Variants in CPNE8 observed in about 807,000 individuals in gnomAD.
The protein encoded by CPNE8 is copine-8.
CPNE8 carries 45 observed loss-of-function variants against 81.5 expected under a neutral mutation model. That is an observed-to-expected ratio of 0.55 (90% CI 0.44 to 0.71). The LOEUF is 0.71. Among genes scored for constraint, CPNE8 ranks in the 30% least tolerant of loss-of-function variants. CPNE8 has a pLI of 0.00. For synonymous variants in CPNE8, 252 were observed against 226.3 expected (o/e 1.11, Z -1.02); for missense variants, 594 against 672.1 (o/e 0.88, Z 1.28).
intron 19 of CPNE8, among the ~76,000 whole-genome samples, chr12:38,655,247 C>T (rs776797582): frequency 2.5e-4 from 38 of 152,284 alleles, no homozygotes; most frequent in African/African-American, 5.8e-4. Context: ...GAGCCCTTAT[C>T]GGCTCAATAC....
At chr12:38,723,248 AG>A (rs1399642718) in intron 13 of CPNE8, among the ~76,000 whole-genome samples, 1 of 152,174 alleles carries the variant, frequency 6.6e-6, no homozygotes, top group Admixed American at 6.5e-5. Flanking sequence ...TTACCAACAC[AG>A]GATCTGTCTG....
intron 7 of CPNE8, among the ~76,000 whole-genome samples, chr12:38,768,956 CTTCT>C (rs1298522304): frequency 1.3e-5 from 2 of 152,180 alleles, no homozygotes; most frequent in African/African-American, 4.8e-5. Context: ...TTATTCATCA[CTTCT>C]TTATCTTACA....
intron 5 of CPNE8, among the ~76,000 whole-genome samples, chr12:38,830,478 T>C (rs1943267728): frequency 6.6e-6 from 1 of 152,160 alleles, no homozygotes. Flanking sequence ...CAACACCATC[T>C]GGATATGTAG....
intron 6 of CPNE8, among the ~76,000 whole-genome samples, chr12:38,812,638 G>A (rs1457233982): frequency 1.3e-5 from 2 of 152,172 alleles, no homozygotes; most frequent in African/African-American, 2.4e-5. Flanking sequence ...CTGGGGACAT[G>A]GCCAAACCAT....
intron 13 of CPNE8, among the ~76,000 whole-genome samples, chr12:38,717,086 A>G (rs1297184472): frequency 6.6e-6 from 1 of 152,090 alleles, no homozygotes; most frequent in Non-Finnish European, 1.5e-5. Flanking sequence ...AACCATGATG[A>G]GATACCACCT....
intron 1 of CPNE8, among the ~76,000 whole-genome samples, chr12:38,882,484 C>A (rs1014606035): frequency 4.1e-4 from 62 of 152,154 alleles, no homozygotes; most frequent in Non-Finnish European, 6.9e-4. Flanking sequence ...AATTTCTGTT[C>A]TTTTAAGCCA....
intron 7 of CPNE8, among the ~76,000 whole-genome samples, chr12:38,772,605 C>T (rs933948260): frequency 5.3e-5 from 8 of 151,992 alleles, no homozygotes; most frequent in African/African-American, 9.7e-5. Flanking sequence ...AAAAAACAAA[C>T]GCAAAAGGAA....
chr12:38,654,173 G>T, intron 19 of CPNE8, 103 bp from the exon 20 acceptor site: 2 of 1,353,702 alleles, frequency 1.5e-6, no homozygotes, highest in African/African-American at 1.5e-5. Flanking sequence ...GAAAATCAGG[G>T]AATCTGAGAG....
chr12:38,823,799 G>A lies in CPNE8; in HGVS notation c.407+5580C>T, dbSNP rs543607800. Among the ~76,000 whole-genome samples the A allele has an allele frequency of 1.4e-4, 21 of 152,226 alleles. No homozygotes were observed. The South Asian group carries it at 2.1e-3, about 15-fold the overall frequency. The stretch of plus-strand genomic sequence containing the variant: ...TTCTTGCATTTCGGAAGGCTTTGCC[G>A]AATCCATCACTGAGATCCCTAAAGA... On this transcript the variant is annotated intron_variant, in intron 6 of 19. Transcript: ENST00000331366.
At chr12:38,825,633 C>T (rs184430379) in intron 6 of CPNE8, among the ~76,000 whole-genome samples, 11 of 152,338 alleles carry the variant, frequency 7.2e-5, no homozygotes, top group African/African-American at 2.4e-4. Flanking sequence ...TGTATCTTCT[C>T]TCAAAGTACC....
intron 8 of CPNE8, among the ~76,000 whole-genome samples, chr12:38,766,530 G>A (rs1941693208): frequency 6.6e-6 from 1 of 152,044 alleles, no homozygotes; most frequent in South Asian, 2.1e-4. Context: ...TCCAACAGTT[G>A]CTCAGTAGCT....
chr12:38,820,011 G>A (rs567590080), intron 6 of CPNE8, among the ~76,000 whole-genome samples: 49 of 152,096 alleles, frequency 3.2e-4, no homozygotes, highest in African/African-American at 1.1e-3. Flanking sequence ...AAGAAGAAAG[G>A]AGCAATAAAT....
intron 6 of CPNE8, among the ~76,000 whole-genome samples, chr12:38,779,389 C>G (rs993914718): frequency 2.0e-5 from 3 of 152,086 alleles, no homozygotes; most frequent in African/African-American, 7.2e-5. Context: ...AGCCAACCCA[C>G]AGCATAAAGC....
At chr12:38,725,405 T>C (rs1565585436) in intron 11 of CPNE8, among the ~76,000 whole-genome samples, 1 of 152,198 alleles carries the variant, frequency 6.6e-6, no homozygotes, top group Non-Finnish European at 1.5e-5. Context: ...TTTGTAGACA[T>C]AAGATTGGCC....
At chr12:38,840,114 G>T (rs1182693972) in intron 4 of CPNE8, among the ~76,000 whole-genome samples, 159 bp from the exon 5 acceptor site, 1 of 152,090 alleles carries the variant, frequency 6.6e-6, no homozygotes, top group Non-Finnish European at 1.5e-5. Flanking sequence ...ATATTCCGTG[G>T]CTTACATGCC....
intron 6 of CPNE8, among the ~76,000 whole-genome samples, chr12:38,824,862 T>C (rs779847232): frequency 6.6e-6 from 1 of 152,134 alleles, no homozygotes; most frequent in Non-Finnish European, 1.5e-5. Flanking sequence ...CTCACAAACA[T>C]GATTGCAAAA....
At chr12:38,764,191 C>T (rs1029627154) in intron 8 of CPNE8, among the ~76,000 whole-genome samples, 3 of 151,938 alleles carry the variant, frequency 2.0e-5, no homozygotes, top group African/African-American at 7.3e-5. Flanking sequence ...GAGGGGCAGA[C>T]AGAGAAGACT....
intron 3 of CPNE8, 98 bp downstream of exon 3, chr12:38,872,906 A>G: frequency 2.8e-6 from 2 of 723,800 alleles, no homozygotes; most frequent in Admixed American, 6.0e-5. Context: ...TGGGTTCAAA[A>G]GGACTTACAA....
intron 6 of CPNE8, among the ~76,000 whole-genome samples, chr12:38,826,862 T>C (rs1943202345): frequency 6.6e-6 from 1 of 151,954 alleles, no homozygotes; most frequent in Admixed American, 6.6e-5. Context: ...ATAAAATTAC[T>C]AATTTAAAAA....
Sources: allele counts gnomAD v4.1 joint callset (sites outside exome capture counted in the v4.1 genomes callset), GRCh38; gene constraint gnomAD v4.1.1; transcripts MANE v1.5; gene names NCBI Gene and HGNC (gene_info 2026-07-23, HGNC 2026-07-21).